THAP12: variants seen among roughly 807,000 people sequenced by gnomAD.
The protein encoded by THAP12 is THAP domain containing 12, also known as 52 kDa repressor of the inhibitor of the protein kinase.
A neutral mutation model predicts 63.0 loss-of-function variants in THAP12; 20 were observed. The observed-to-expected ratio is 0.32, with a 90% CI of 0.22 to 0.46. The LOEUF (loss-of-function observed/expected upper bound fraction) is 0.46, where lower values mean the gene tolerates loss of function less well. Ranked by LOEUF, THAP12 falls within the 20% of genes least tolerant of loss-of-function variation. The pLI is 1.00. For synonymous variants in THAP12, 264 were observed against 328.4 expected (o/e 0.80, Z 2.12); for missense variants, 568 against 908.2 (o/e 0.63, Z 4.81).
At chr11:76,376,614 T>TG (rs1946712129) in intron 1 of THAP12, among the ~76,000 whole-genome samples, 1 of 125,942 alleles carries the variant, frequency 7.9e-6, no homozygotes. Context: ...ATTGTGTCTA[T>TG]GTTTTTTTTG....
intron 1 of THAP12, among the ~76,000 whole-genome samples, chr11:76,370,888 CAT>C (rs772930111): frequency 2.3e-4 from 35 of 150,172 alleles, no homozygotes; most frequent in African/African-American, 8.3e-4. Context: ...CATGTGTATT[CAT>C]ATGTGTATTA....
chr11:76,354,697 T>C (rs1356863726), intron 4 of THAP12, among the ~76,000 whole-genome samples: 1 of 152,210 alleles, frequency 6.6e-6, no homozygotes, highest in Non-Finnish European at 1.5e-5. Flanking sequence ...GAGTACTCTA[T>C]GTACCATGGA....
intron 1 of THAP12, among the ~76,000 whole-genome samples, chr11:76,369,419 A>G (rs1946655016): frequency 6.6e-6 from 1 of 152,264 alleles, no homozygotes; most frequent in Admixed American, 6.5e-5. Flanking sequence ...TTTGATATGA[A>G]ATTCTAGAAC....
At position 76,352,452 on chromosome 11, in the gene THAP12, G is replaced by A. The variant is rs765929058; in HGVS notation, c.698C>T (p.Thr233Ile). The A allele has an allele frequency of 3.1e-6, 5 of 1,611,844 alleles. No individual in the cohort carries two copies. The East Asian group carries it at 1.1e-4, about 36-fold the overall frequency. ...TAVNTLFCSK[T>I]QQRQMLEICE... ...GATCTCTAGCATCTGCCTCTGCTGTGTTTTTGAACAAAACAACGTGTTAAC... is the reference window on the plus strand; with the variant it reads ...GATCTCTAGCATCTGCCTCTGCTGTATTTTTGAACAAAACAACGTGTTAAC... The change falls in exon 5 of 5, where the codon ACA becomes ATA. Residue 233 changes from threonine (T) to isoleucine (I), a missense_variant. By Grantham distance (89) the Thr-to-Ile change is moderately conservative. Transcript: ENST00000260045.
intron 1 of THAP12, among the ~76,000 whole-genome samples, chr11:76,377,861 T>C (rs1438997524): frequency 6.6e-6 from 1 of 152,254 alleles, no homozygotes; most frequent in Admixed American, 6.5e-5. Flanking sequence ...TCTTTTCATG[T>C]GCTTTTTAGC....
At chr11:76,369,365 T>C (rs1178526421) in intron 1 of THAP12, among the ~76,000 whole-genome samples, 1 of 152,216 alleles carries the variant, frequency 6.6e-6, no homozygotes, top group Non-Finnish European at 1.5e-5. Flanking sequence ...CTCACAAACG[T>C]AATGTTAAGC....
At chr11:76,362,894 C>A (rs1946606858) in intron 2 of THAP12, among the ~76,000 whole-genome samples, 1 of 152,198 alleles carries the variant, frequency 6.6e-6, no homozygotes, top group South Asian at 2.1e-4. Context: ...GTAATTCCAA[C>A]ACTTTGGGAG....
In THAP12 at chr11:76,381,083, T is replaced by C. The variant is rs545536145; in HGVS notation, c.-247A>G. On this transcript the variant is annotated 5_prime_UTR_variant, in exon 1 of 5. Coordinates refer to ENST00000260045, the MANE Select transcript of THAP12 (RefSeq NM_004705.4). ...GAGGATTTACCGCCGCCGCCGCCGC[T>C]GGTGCACCTCCCGCCCGCCCGAGAC... The C allele has an allele frequency of 3.8e-4, 73 of 191,656 alleles. 1 individual carries two copies. The highest frequency in any genetic ancestry group is 1.9e-3 in the Admixed American group (31 of 16,462). 11.9% of individuals were successfully genotyped at this position (191,656 alleles called of 1,614,324 possible). A position where few individuals can be genotyped will look rare whatever the true frequency, so the allele number is the denominator to read the frequency against.
intron 1 of THAP12, among the ~76,000 whole-genome samples, chr11:76,379,839 A>G (rs1946738711): frequency 1.3e-5 from 2 of 152,302 alleles, no homozygotes; most frequent in South Asian, 4.1e-4. Context: ...CAACAATGCC[A>G]ACACAAGTAG....
intron 1 of THAP12, among the ~76,000 whole-genome samples, chr11:76,373,254 G>C (rs1170488889): frequency 1.3e-5 from 2 of 151,134 alleles, no homozygotes; most frequent in East Asian, 2.0e-4. Flanking sequence ...GATAAGGCAG[G>C]AGAATTACTT....
In THAP12 at chr11:76,350,066, C is replaced by T. The variant is rs1946514230; in HGVS notation, c.*798G>A. 6.6e-6 allele frequency: 1 copy of T among 152,626 alleles called. No individual in the cohort carries two copies. Among genetic ancestry groups the T allele is most frequent in the Non-Finnish European group, 1.5e-5 (1 of 68,018 alleles). The allele number at this position is 152,626 out of a possible 1,614,324, so 9.5% of individuals were successfully genotyped here. On this transcript the variant is annotated 3_prime_UTR_variant, in exon 5 of 5. Transcript: ENST00000260045. ...ATATTTTTCTAGATAAACCACAACA[C>T]TTATTTTGTAGGTTTTCCAGGTTTT...
chr11:76,356,088 A>C (rs931923509), intron 3 of THAP12: 2 of 155,866 alleles, frequency 1.3e-5, no homozygotes, highest in African/African-American at 4.9e-5. Context: ...AAGTGATGAG[A>C]AATCCCTGAG....
rs1448181089 is a variant in THAP12, at chr11:76,352,787, T to C, written c.363A>G (p.Glu121=). 1.3e-6 allele frequency: 2 copies of C among 1,509,988 alleles called. No homozygotes were observed. Among genetic ancestry groups the C allele is most frequent in the Non-Finnish European group, 1.8e-6 (2 of 1,130,538 alleles). 93.5% of individuals were successfully genotyped at this position (1,509,988 alleles called of 1,614,324 possible). A position where few individuals can be genotyped will look rare whatever the true frequency, so the allele number is the denominator to read the frequency against. The change falls in exon 5 of 5, where the codon GAA becomes GAG. Residue 121 remains glutamate (E), a synonymous_variant. Coordinates refer to ENST00000260045, the MANE Select transcript of THAP12 (RefSeq NM_004705.4). The part of the protein sequence containing the change: ...IRTLKQKKID[E]TSEQEQKHKE... ...TATGTTTTTGTTCCTGCTCAGAAGTTTCATCAACTGGAAAACAAAGAATTA... is the reference window on the plus strand; with the variant it reads ...TATGTTTTTGTTCCTGCTCAGAAGTCTCATCAACTGGAAAACAAAGAATTA...
At chr11:76,352,838 C>G (rs1946537070) in intron 4 of THAP12, 44 bp from the exon 5 acceptor site, 1 of 1,493,452 alleles carries the variant, frequency 6.7e-7, no homozygotes, top group Non-Finnish European at 8.9e-7. Context: ...TCATGAAAAA[C>G]CATACACAAC....
chr11:76,365,755 C>A, intron 2 of THAP12, 97 bp downstream of exon 2: 1 of 1,406,366 alleles, frequency 7.1e-7, no homozygotes, highest in Non-Finnish European at 9.6e-7. Context: ...TATAGGAATA[C>A]CTTCCAACAT....
chr11:76,373,854 CATTT>C (rs970482222), intron 1 of THAP12, among the ~76,000 whole-genome samples: 19 of 152,074 alleles, frequency 1.2e-4, no homozygotes, highest in African/African-American at 4.6e-4. Context: ...TACCTAACAA[CATTT>C]ATCAGAAAAA....
At chr11:76,360,078 T>C (rs917490421) in intron 3 of THAP12, among the ~76,000 whole-genome samples, 1 of 152,148 alleles carries the variant, frequency 6.6e-6, no homozygotes, top group African/African-American at 2.4e-5. Flanking sequence ...ACAGACCATG[T>C]TGGGAAAACA....
chr11:76,368,886 A>G (rs1283771587), intron 1 of THAP12, among the ~76,000 whole-genome samples: 1 of 152,248 alleles, frequency 6.6e-6, no homozygotes, highest in Admixed American at 6.5e-5. Context: ...CAAATGCTAG[A>G]GGAAAAGATA....
intron 1 of THAP12, among the ~76,000 whole-genome samples, chr11:76,374,852 T>C (rs1946698095): frequency 6.6e-6 from 1 of 151,998 alleles, no homozygotes; most frequent in African/African-American, 2.4e-5. Flanking sequence ...TGTTGGGAGG[T>C]GGGGCATCTG....
Sources: allele counts gnomAD v4.1 joint callset (sites outside exome capture counted in the v4.1 genomes callset), GRCh38; gene constraint gnomAD v4.1.1; transcripts MANE v1.5; gene names NCBI Gene and HGNC (gene_info 2026-07-23, HGNC 2026-07-21).